Variants in TEX9 observed in about 807,000 individuals in gnomAD.
The protein encoded by TEX9 is testis-expressed protein 9.
TEX9 carries 74 observed loss-of-function variants against 59.6 expected under a neutral mutation model. The observed-to-expected ratio is 1.24, with a 90% CI of 1.03 to 1.51. TEX9 has a LOEUF of 1.51. Ranked by LOEUF, TEX9 falls within the 40% of genes most tolerant of loss-of-function variation. TEX9 has a pLI of 0.00. For missense variants in TEX9, 522 were observed against 447.8 expected (o/e 1.17, Z -1.49); for synonymous variants, 186 against 152.2 (o/e 1.22, Z -1.64).
At chr15:56,299,914 C>G (rs1453518332) in intron 1 of TEX9, among the ~76,000 whole-genome samples, 2 of 152,088 alleles carry the variant, frequency 1.3e-5, no homozygotes, top group African/African-American at 4.8e-5. Flanking sequence ...TCACCAGGAG[C>G]CTTGAGTGAG....
chr15:56,413,253 T>C (rs1334578538), intron 10 of TEX9, among the ~76,000 whole-genome samples: 16 of 47,330 alleles, frequency 3.4e-4, no homozygotes, highest in African/African-American at 1.1e-3. Context: ...TAATTTAATT[T>C]ATTTAATTAA....
At chr15:56,365,692 C>A (rs764445687) in intron 2 of TEX9, 22 bp downstream of exon 2, 1 of 1,613,622 alleles carries the variant, frequency 6.2e-7, no homozygotes, top group Non-Finnish European at 8.5e-7. Flanking sequence ...GGCGGTTGAA[C>A]TTTTCCTTCT....
At chr15:56,382,966 A>G (rs2047798982) in intron 3 of TEX9, among the ~76,000 whole-genome samples, 1 of 152,146 alleles carries the variant, frequency 6.6e-6, no homozygotes, top group Non-Finnish European at 1.5e-5. Flanking sequence ...TTTGCCTAGA[A>G]AATGGAGCCA....
intron 5 of TEX9, 149 bp from the exon 6 acceptor site, chr15:56,389,169 G>T: frequency 1.5e-6 from 1 of 682,280 alleles, no homozygotes. Context: ...ATACAGTTGT[G>T]ATATTCTTGA....
Position 56,426,586 on chromosome 15 carries a change from G to GGT in TEX9, c.964-1016_964-1015dup, listed in dbSNP as rs1309609896. ...TGTTTTTTTTTTTTTTTTTTGAAAA[G>GGT]GTGTATATATATATATATATATATA... On this transcript the variant is annotated intron_variant, in intron 10 of 12. Transcript: ENST00000352903. Among the ~76,000 whole-genome samples, 13 of 6,882 alleles carry GGT rather than the reference G, an allele frequency of 1.9e-3. 2 individuals are homozygous for GGT. The highest frequency in any genetic ancestry group is 5.4e-3 in the Non-Finnish European group (11 of 2,048). 4.5% of individuals were successfully genotyped at this position (6,882 alleles called of 152,430 possible).
At chr15:56,394,782 A>C (rs758625108) in exon 9 of TEX9, 1 of 1,613,280 alleles carries the variant, frequency 6.2e-7, no homozygotes, top group Non-Finnish European at 8.5e-7. Flanking sequence ...CTTTTCGAAG[A>C]AGCAAACAAA....
the TEX9 span, among the ~76,000 whole-genome samples, chr15:56,453,166 TCA>T: frequency 7.2e-5 from 11 of 152,316 alleles, no homozygotes; most frequent in South Asian, 2.1e-3. Context: ...ACTTCCTATC[TCA>T]TTTTGTCATA....
At chr15:56,340,712 A>G (rs1567091834) in intron 1 of TEX9, among the ~76,000 whole-genome samples, 2 of 152,050 alleles carry the variant, frequency 1.3e-5, no homozygotes, top group Non-Finnish European at 2.9e-5. Flanking sequence ...CCTGCAGCTC[A>G]TTTGTAGCTC....
exon 12 of TEX9, chr15:56,428,434 G>T: frequency 6.2e-7 from 1 of 1,610,706 alleles, no homozygotes; most frequent in Non-Finnish European, 8.5e-7. Flanking sequence ...CTTGAATGGG[G>T]AAATTCATAA....
intron 1 of TEX9, among the ~76,000 whole-genome samples, chr15:56,290,713 C>T (rs1307031274): frequency 6.6e-6 from 1 of 152,104 alleles, no homozygotes; most frequent in African/African-American, 2.4e-5. Flanking sequence ...CCTCAGTCTC[C>T]CAAAGTGCTG....
In TEX9 at chr15:56,285,433, TACA is replaced by T. The variant is rs372031494; in HGVS notation, c.-107+41157_-107+41159del. Reference sequence around the variant, plus strand: ...ACCCTAAGGGTATAGCTTTTTGGGCTACAATTTAATTTGGGAAAATCTTCTACT... The same window carrying T: ...ACCCTAAGGGTATAGCTTTTTGGGCTATTTAATTTGGGAAAATCTTCTACT... On this transcript the variant is annotated intron_variant, in intron 1 of 5. Transcript: ENST00000560827. Among the ~76,000 whole-genome samples the T allele has an allele frequency of 3.7e-4, 57 of 152,298 alleles. 1 individual carries two copies. The East Asian group carries it at 9.6e-3, about 26-fold the overall frequency.
chr15:56,328,985 T>C (rs2046084742), intron 1 of TEX9, among the ~76,000 whole-genome samples: 1 of 151,852 alleles, frequency 6.6e-6, no homozygotes, highest in Non-Finnish European at 1.5e-5. Context: ...GATCGAGTGC[T>C]GTATTGGCTT....
the TEX9 span, among the ~76,000 whole-genome samples, chr15:56,451,303 T>C: frequency 6.6e-6 from 1 of 152,182 alleles, no homozygotes; most frequent in South Asian, 2.1e-4. Flanking sequence ...GGGTCCTGCA[T>C]TGGGAACAAG....
At chr15:56,329,227 T>C (rs1240238501) in intron 1 of TEX9, among the ~76,000 whole-genome samples, 4 of 152,184 alleles carry the variant, frequency 2.6e-5, no homozygotes, top group African/African-American at 9.7e-5. Flanking sequence ...ATTACAGGGC[T>C]TGGAGTACCC....
chr15:56,340,089 T>C (rs2046343590), intron 1 of TEX9, among the ~76,000 whole-genome samples: 1 of 152,164 alleles, frequency 6.6e-6, no homozygotes, highest in Admixed American at 6.5e-5. Context: ...TCAAGTATGG[T>C]ACTAATCTTT....
intron 9 of TEX9, among the ~76,000 whole-genome samples, chr15:56,409,325 C>T (rs2049234416): frequency 6.6e-6 from 1 of 152,148 alleles, no homozygotes; most frequent in South Asian, 2.1e-4. Context: ...ACAAGGTTCA[C>T]CTAGGCTTGT....
At chr15:56,451,170 G>T in the TEX9 span, among the ~76,000 whole-genome samples, 1 of 152,140 alleles carries the variant, frequency 6.6e-6, no homozygotes, top group East Asian at 1.9e-4. Flanking sequence ...AATGAGTTCT[G>T]AGTGAGGTAA....
chr15:56,274,039 A>G (rs1384847272), intron 1 of TEX9, among the ~76,000 whole-genome samples: 1 of 152,026 alleles, frequency 6.6e-6, no homozygotes, highest in Non-Finnish European at 1.5e-5. Flanking sequence ...CCAAGTATTT[A>G]TTTGGTTTCT....
At chr15:56,318,353 T>G (rs1261143034) in intron 1 of TEX9, among the ~76,000 whole-genome samples, 1 of 152,188 alleles carries the variant, frequency 6.6e-6, no homozygotes, top group East Asian at 1.9e-4. Context: ...TTGCATGCTA[T>G]ATGTTTTGTC....
Sources: allele counts gnomAD v4.1 joint callset (sites outside exome capture counted in the v4.1 genomes callset), GRCh38; gene constraint gnomAD v4.1.1; transcripts MANE v1.5; gene names NCBI Gene and HGNC (gene_info 2026-07-23, HGNC 2026-07-21).